The following APP variants were observed in gnomAD, a reference collection of about 807,000 sequenced individuals.
APP encodes amyloid-beta precursor protein.
In APP, 31 loss-of-function variants were observed where a neutral mutation model predicts 101.4. The observed-to-expected ratio is 0.31, with a 90% CI of 0.23 to 0.41. The LOEUF is 0.41. Among genes scored for constraint, APP ranks in the 10% least tolerant of loss-of-function variants. APP has a pLI of 1.00. For missense variants in APP, 839 were observed against 1,003.7 expected (o/e 0.84, Z 2.22); for synonymous variants, 366 against 364.4 (o/e 1.00, Z -0.05).
chr21:26,067,792 C>CG (rs2046515958), intron 3 of APP, among the ~76,000 whole-genome samples: 1 of 151,926 alleles, frequency 6.6e-6, no homozygotes, highest in Admixed American at 6.6e-5. Flanking sequence ...CTCTGTATCC[C>CG]GAGAGATGAG....
intron 3 of APP, among the ~76,000 whole-genome samples, chr21:26,077,828 T>C (rs1314654393): frequency 6.7e-6 from 1 of 149,914 alleles, no homozygotes; most frequent in Non-Finnish European, 1.5e-5. Flanking sequence ...ACCAACAAGT[T>C]GAAATTTATC....
At chr21:26,159,389 A>G (rs1371596282) in intron 1 of APP, among the ~76,000 whole-genome samples, 1 of 152,224 alleles carries the variant, frequency 6.6e-6, no homozygotes, top group Non-Finnish European at 1.5e-5. Flanking sequence ...ATAAATTAGT[A>G]ATTTTTTAAA....
At position 25,911,757 on chromosome 21, in the gene APP, G is replaced by A; in HGVS notation, c.1893C>T (p.Ala631=). 1 of 1,613,982 alleles carries A rather than the reference G, an allele frequency of 6.2e-7. No individual in the cohort carries two copies. The highest frequency in any genetic ancestry group is 8.5e-7 in the Non-Finnish European group (1 of 1,180,016). ...GACTCTTACCTTCGTTTTCTGTGTT[G>A]GCTGGCACAGAGTCAGCCCCAAAAG... ...WHSFGADSVP[A]NTENEVEPVD... The change falls in exon 14 of 18, where the codon GCC becomes GCT. Residue 631 remains alanine, a synonymous_variant. Coordinates refer to ENST00000346798, the MANE Select transcript of APP (RefSeq NM_000484.4).
At chr21:26,072,170 A>G (rs1568938631) in intron 3 of APP, among the ~76,000 whole-genome samples, 2 of 152,258 alleles carry the variant, frequency 1.3e-5, no homozygotes, top group African/African-American at 2.4e-5. Context: ...GACATCTTTT[A>G]TAACAGTTCT....
At chr21:26,108,830 G>A (rs1234931914) in intron 2 of APP, among the ~76,000 whole-genome samples, 1 of 152,086 alleles carries the variant, frequency 6.6e-6, no homozygotes, top group African/African-American at 2.4e-5. Context: ...GTTGCAGTGA[G>A]CTGAGATTGT....
At chr21:25,921,623 T>C (rs894757169) in intron 13 of APP, among the ~76,000 whole-genome samples, 8 of 135,230 alleles carry the variant, frequency 5.9e-5, no homozygotes, top group Non-Finnish European at 1.1e-4. Context: ...CTAGAAAATC[T>C]AGAAGAAATG....
intron 14 of APP, among the ~76,000 whole-genome samples, chr21:25,908,837 A>G (rs1569039932): frequency 6.6e-6 from 1 of 152,242 alleles, no homozygotes; most frequent in Non-Finnish European, 1.5e-5. Flanking sequence ...GGAAGCAGCC[A>G]GAGAGGCTAA....
At chr21:25,898,028 G>A (rs1391497149) in intron 15 of APP, 1 of 291,092 alleles carries the variant, frequency 3.4e-6, no homozygotes, top group Non-Finnish European at 6.5e-6. Flanking sequence ...TTATTGTTTA[G>A]CCTATTATGT....
intron 1 of APP, among the ~76,000 whole-genome samples, chr21:26,122,524 A>G (rs927642820): frequency 5.9e-5 from 9 of 152,164 alleles, no homozygotes; most frequent in Non-Finnish European, 1.2e-4. Flanking sequence ...AGTCATTTCC[A>G]TCTGACTTCC....
At chr21:25,942,475 T>C (rs1053462172) in intron 13 of APP, 1 of 152,212 alleles carries the variant, frequency 6.6e-6, no homozygotes, top group Non-Finnish European at 1.5e-5. Flanking sequence ...AGAACGGCTG[T>C]CTAACGAGAC....
At chr21:26,045,896 T>C (rs1260528293) in intron 5 of APP, among the ~76,000 whole-genome samples, 2 of 151,760 alleles carry the variant, frequency 1.3e-5, no homozygotes, top group African/African-American at 4.8e-5. Flanking sequence ...AAGAAAGAGG[T>C]TTAACTGGAC....
chr21:26,055,739 T>C (rs2046015292), intron 3 of APP, among the ~76,000 whole-genome samples: 1 of 152,216 alleles, frequency 6.6e-6, no homozygotes, highest in African/African-American at 2.4e-5. Flanking sequence ...AAGTAACTAC[T>C]GGAAAGATTA....
At chr21:26,116,798 T>G (rs1385277248) in intron 1 of APP, among the ~76,000 whole-genome samples, 1 of 152,230 alleles carries the variant, frequency 6.6e-6, no homozygotes, top group Non-Finnish European at 1.5e-5. Context: ...ACCCGCTGAC[T>G]AGTCTAAATA....
chr21:25,985,955 G>C (rs2042619953), intron 8 of APP, among the ~76,000 whole-genome samples: 1 of 152,178 alleles, frequency 6.6e-6, no homozygotes, highest in Non-Finnish European at 1.5e-5. Flanking sequence ...GAATTTAATA[G>C]TTCATTACTA....
intron 17 of APP, among the ~76,000 whole-genome samples, chr21:25,885,176 T>C (rs957284074): frequency 6.6e-6 from 1 of 152,196 alleles, no homozygotes. Context: ...GGATCTTTAA[T>C]CTCCAGCCCC....
intron 11 of APP, among the ~76,000 whole-genome samples, chr21:25,965,521 CTAT>C (rs2041762374): frequency 6.6e-6 from 1 of 152,160 alleles, no homozygotes; most frequent in South Asian, 2.1e-4. Context: ...GTGTTATGAC[CTAT>C]TAGAAATTCT....
At chr21:25,928,941 C>T (rs539603501) in intron 13 of APP, 1 of 152,172 alleles carries the variant, frequency 6.6e-6, no homozygotes, top group African/African-American at 2.4e-5. Flanking sequence ...GGGATGGTCT[C>T]GATCTTCTAA....
chr21:25,904,681 G>T (rs2038692010), intron 15 of APP, among the ~76,000 whole-genome samples: 1 of 151,898 alleles, frequency 6.6e-6, no homozygotes. Context: ...ATCTATCTGG[G>T]CTTCTGTTTT....
chr21:25,886,085 A>G (rs2037304444), intron 17 of APP, among the ~76,000 whole-genome samples: 1 of 152,102 alleles, frequency 6.6e-6, no homozygotes, highest in South Asian at 2.1e-4. Context: ...TGTCATTGAG[A>G]TGGACCAGAC....
Sources: allele counts gnomAD v4.1 joint callset (sites outside exome capture counted in the v4.1 genomes callset), GRCh38; gene constraint gnomAD v4.1.1; transcripts MANE v1.5; gene names NCBI Gene and HGNC (gene_info 2026-07-23, HGNC 2026-07-21).